The following UGT1A6 variants were observed in gnomAD, a reference collection of about 807,000 sequenced individuals.
UGT1A6 encodes UDP glucuronosyltransferase family 1 member A6.
Under a neutral mutation model 44.4 loss-of-function variants are expected in UGT1A6, and 32 were observed. The ratio of observed to expected loss-of-function variants is 0.72; its 90% CI spans 0.54 to 0.97. UGT1A6 has a LOEUF of 0.97. Among genes scored for constraint, UGT1A6 ranks in the 50% least tolerant of loss-of-function variants. The pLI, the probability that UGT1A6 is intolerant of heterozygous loss-of-function variation, is 0.00. For missense variants in UGT1A6, 685 were observed against 661.9 expected (o/e 1.03, Z -0.38); for synonymous variants, 238 against 248.5 (o/e 0.96, Z 0.40).
At chr2:233,754,489 A>G (rs1289708374) in intron 1 of UGT1A6, 4 of 357,158 alleles carry the variant, frequency 1.1e-5, no homozygotes, top group Non-Finnish European at 1.1e-5. Flanking sequence ...TTTCAATCCT[A>G]AAAAAAGTCC....
At chr2:233,760,797 C>T in intron 1 of UGT1A6, 1 of 1,613,492 alleles carries the variant, frequency 6.2e-7, no homozygotes, top group Non-Finnish European at 8.5e-7. Context: ...CCACTGTATT[C>T]TTCTTGCATG....
chr2:233,692,069 G>A (rs561422627), upstream of UGT1A6: 5 of 151,060 alleles, frequency 3.3e-5, no homozygotes, highest in Admixed American at 6.6e-5. Context: ...GAAGAAAGGA[G>A]AGAGAGATTG....
At chr2:233,711,892 T>C (rs2076203000) in intron 1 of UGT1A6, among the ~76,000 whole-genome samples, 1 of 152,214 alleles carries the variant, frequency 6.6e-6, no homozygotes, top group Admixed American at 6.5e-5. Context: ...ACGAGTCTCA[T>C]GGGCGTGAGA....
intron 1 of UGT1A6, among the ~76,000 whole-genome samples, chr2:233,740,113 T>C (rs1443736417): frequency 6.6e-6 from 1 of 151,884 alleles, no homozygotes. Flanking sequence ...CCTTTGCTTA[T>C]CTCTCACCTT....
At chr2:233,755,804 T>G (rs1335569789) in intron 1 of UGT1A6, 3 of 152,158 alleles carry the variant, frequency 2.0e-5, no homozygotes, top group African/African-American at 7.2e-5. Context: ...CATTAGAGAT[T>G]AAAACAGAAT....
At position 233,768,335 on chromosome 2, in the gene UGT1A6, T is replaced by C. The variant is rs754652167; in HGVS notation, c.1197T>C (p.Asn399=). 1.9e-6 allele frequency: 3 copies of C among 1,614,076 alleles called. No homozygotes were observed. The highest frequency in any genetic ancestry group is 2.5e-6 in the Non-Finnish European group (3 of 1,180,042). Residue 399 remains asparagine, a synonymous_variant, in exon 4 of 5, where the codon AAT becomes AAC. Transcript: ENST00000305139. ...CCTTGTTTGGTGATCAGATGGACAA[T>C]GCAAAGCGCATGGAGACTAAGGGAG... ...MMPLFGDQMD[N]AKRMETKGAG...
rs766039492 is a variant in UGT1A6, at chr2:233,760,243, T to C, written c.862-6791T>C. The C allele has an allele frequency of 1.9e-6, 3 of 1,608,014 alleles. No homozygotes were observed. In the Admixed American group the frequency reaches 5.0e-5, roughly 27 times the overall value. ...TCGATTGGTTTTTGCCATATATATATATATAAGTAGGAGAGGGCGAACCTC... is the reference window on the plus strand; with the variant it reads ...TCGATTGGTTTTTGCCATATATATACATATAAGTAGGAGAGGGCGAACCTC... On this transcript the variant is annotated intron_variant, in intron 1 of 4. Coordinates refer to ENST00000305139, the MANE Select transcript of UGT1A6 (RefSeq NM_001072.4).
chr2:233,705,222 A>T (rs1400550226), intron 1 of UGT1A6, among the ~76,000 whole-genome samples: 1 of 152,060 alleles, frequency 6.6e-6, no homozygotes, highest in East Asian at 1.9e-4. Context: ...TACTATTATC[A>T]GTGCTTTTTT....
intron 1 of UGT1A6, chr2:233,743,546 C>G: frequency 7.3e-7 from 1 of 1,367,310 alleles, no homozygotes; most frequent in Non-Finnish European, 9.8e-7. Flanking sequence ...CTCTGACCCC[C>G]CCAAAATATT....
rs1326860704 is a variant in UGT1A6 at position 233,769,636 on chromosome 2, G to A, written c.1301+1197G>A. ...AGCTTGAGCAAGGGACAACAGGGGA[G>A]GACTGATGACTGACTTCCCACCTTT... On this transcript the variant is annotated intron_variant, in intron 4 of 4. Coordinates refer to ENST00000305139, the MANE Select transcript of UGT1A6 (RefSeq NM_001072.4). This position sits in a 1 kb window ranked among gnomAD's most constrained non-coding sequence, Gnocchi z 4.4. 6.8e-6 allele frequency: 11 copies of A among 1,610,668 alleles called. No homozygotes were observed. Among genetic ancestry groups the A allele is most frequent in the Non-Finnish European group, 8.5e-6 (10 of 1,178,970 alleles).
chr2:233,744,228 G>A (rs1189849107), intron 1 of UGT1A6, among the ~76,000 whole-genome samples: 1 of 151,768 alleles, frequency 6.6e-6, no homozygotes, highest in Non-Finnish European at 1.5e-5. Flanking sequence ...GAAAAGAGAG[G>A]GCCTTGACTT....
At chr2:233,743,996 C>T (rs76063448) in intron 1 of UGT1A6, 37,130 of 1,239,474 alleles carry the variant, frequency 0.03, 683 homozygotes, top group African/African-American at 0.05. Context: ...GGCCCGAGTG[C>T]TCGGAGACCT....
chr2:233,768,262 A>G lies in UGT1A6; in HGVS notation c.1124A>G (p.His375Arg), dbSNP rs1349037761. The change falls in exon 4 of 5, where the codon CAT becomes CGT. Residue 375 changes from histidine to arginine, a missense_variant. Physicochemically the swap from His to Arg is conservative, Grantham distance 29. Coordinates refer to ENST00000305139, the MANE Select transcript of UGT1A6 (RefSeq NM_001072.4). ...GCCTTTATCACCCATGCTGGTTCCC[A>G]TGGTGTTTATGAAAGCATATGCAAT... Reference protein sequence around the residue: ...TRAFITHAGSHGVYESICNGV... With the variant: ...TRAFITHAGSRGVYESICNGV... 1 of 1,614,138 alleles carries G rather than the reference A, an allele frequency of 6.2e-7. No individual in the cohort carries two copies. Among genetic ancestry groups the G allele is most frequent in the Non-Finnish European group, 8.5e-7 (1 of 1,180,018 alleles).
chr2:233,731,097 CT>C (rs1455789609), intron 1 of UGT1A6, among the ~76,000 whole-genome samples: 1 of 151,946 alleles, frequency 6.6e-6, no homozygotes, highest in South Asian at 2.1e-4. Flanking sequence ...ATTTCTGTGC[CT>C]TTTTTATAAA....
rs376158939 is a variant in UGT1A6, at chr2:233,709,141, G to A, written c.861+15276G>A. ...ATCATGGTGGCCAAGGGGATGAGAC[G>A]TGCTGATTGGTTGAGGCCTAGGTCA... On this transcript the variant is annotated intron_variant, in intron 1 of 4. Coordinates refer to ENST00000305139, the MANE Select transcript of UGT1A6 (RefSeq NM_001072.4). Among the ~76,000 whole-genome samples, 18 of 152,236 alleles carry A rather than the reference G, an allele frequency of 1.2e-4. No homozygotes were observed. The East Asian group carries it at 2.1e-3, about 18-fold the overall frequency.
chr2:233,739,706 G>A (rs760194207), intron 1 of UGT1A6, among the ~76,000 whole-genome samples: 1 of 152,190 alleles, frequency 6.6e-6, no homozygotes, highest in Non-Finnish European at 1.5e-5. Context: ...ACAGGCTCAT[G>A]GGGGAAGGGA....
At chr2:233,749,564 G>C (rs1694221021) in intron 1 of UGT1A6, among the ~76,000 whole-genome samples, 1 of 151,822 alleles carries the variant, frequency 6.6e-6, no homozygotes, top group South Asian at 2.1e-4. Flanking sequence ...GTATTCAATA[G>C]TGAGGCCACT....
intron 1 of UGT1A6, chr2:233,760,636 A>G (rs1559407230): frequency 6.2e-7 from 1 of 1,614,144 alleles, no homozygotes; most frequent in South Asian, 1.1e-5. Context: ...CAAGAAAATA[A>G]AAAAGGACTC....
intron 1 of UGT1A6, among the ~76,000 whole-genome samples, chr2:233,763,988 T>A (rs1006624097): frequency 2.0e-5 from 3 of 152,194 alleles, no homozygotes; most frequent in African/African-American, 7.2e-5. Flanking sequence ...TGGGAATGCG[T>A]GATGGTGAAG....
Sources: gnomAD v4.1 joint callset for allele counts (sites outside exome capture counted in the v4.1 genomes callset) on GRCh38, gnomAD v4.1.1 for gene constraint, Gnocchi (gnomAD v3.1) non-coding constraint, MANE v1.5 for transcripts, NCBI Gene and HGNC (gene_info 2026-07-23, HGNC 2026-07-21) for gene names.